XCR1: variants seen among roughly 807,000 people sequenced by gnomAD.
XCR1 encodes the protein chemokine XC receptor 1.
For synonymous variants in XCR1, 187 were observed against 188.5 expected (o/e 0.99, Z 0.06); for missense variants, 356 against 424.2 (o/e 0.84, Z 1.41).
At chr3:46,068,293 C>A (rs1698110919) in intron 3 of XCR1, among the ~76,000 whole-genome samples, 1 of 152,000 alleles carries the variant, frequency 6.6e-6, no homozygotes, top group African/African-American at 2.4e-5. Context: ...TCATTGGGTG[C>A]AATTTTGCCA....
At chr3:46,082,289 T>G (rs1698382466) in intron 1 of XCR1, among the ~76,000 whole-genome samples, 1 of 152,054 alleles carries the variant, frequency 6.6e-6, no homozygotes, top group South Asian at 2.1e-4. Flanking sequence ...TTGCTCTCCT[T>G]TTTCTATTGA....
intron 1 of XCR1, 150 bp from the exon 2 acceptor site, chr3:46,022,128 C>T (rs1465966030): frequency 3.1e-6 from 2 of 644,098 alleles, no homozygotes; most frequent in South Asian, 5.1e-5. Flanking sequence ...AGTGACACCC[C>T]TGTCTCTACA....
At chr3:46,061,583 A>G (rs1317538501) in intron 4 of XCR1, among the ~76,000 whole-genome samples, 4 of 152,170 alleles carry the variant, frequency 2.6e-5, no homozygotes, top group East Asian at 1.9e-4. Flanking sequence ...ATGTTGCTCA[A>G]CTTCCTTGCT....
chr3:46,040,690 G>A (rs1347202965), intron 5 of XCR1, among the ~76,000 whole-genome samples: 1 of 152,006 alleles, frequency 6.6e-6, no homozygotes, highest in Non-Finnish European at 1.5e-5. Flanking sequence ...TGGCTCCTAA[G>A]ACTTTTGTCA....
chr3:46,024,346 C>T (rs558681699), intron 1 of XCR1, among the ~76,000 whole-genome samples: 1 of 152,198 alleles, frequency 6.6e-6, no homozygotes, highest in South Asian at 2.1e-4. Context: ...CTGTGAAATG[C>T]GTTGCATATC....
chr3:46,058,737 T>C (rs112926203), intron 4 of XCR1, among the ~76,000 whole-genome samples: 13,874 of 152,080 alleles, frequency 0.091, 2,152 homozygotes, highest in African/African-American at 0.32. Flanking sequence ...CTAGTTTTCC[T>C]GTATTTTTGT....
rs115006043 is a variant in XCR1, at chr3:46,022,139, A to G, written c.-31-161T>C. 1,410 of 589,186 alleles carry G rather than the reference A, an allele frequency of 2.4e-3. 18 individuals are homozygous for G. The African/African-American group carries it at 0.025, about 10-fold the overall frequency. The allele number at this position is 589,186 out of a possible 1,614,324, so 36.5% of individuals were successfully genotyped here. A position where few individuals can be genotyped will look rare whatever the true frequency, so the allele number is the denominator to read the frequency against. On this transcript the variant is annotated intron_variant, in intron 1 of 1. Transcript: ENST00000309285. The stretch of plus-strand genomic sequence containing the variant: ...ATATAGTGACACCCCTGTCTCTACA[A>G]AAAATTTAAAAATTACCCGGGTGTG...
intron 5 of XCR1, among the ~76,000 whole-genome samples, chr3:46,053,159 A>C (rs13315955): frequency 0.017 from 2,533 of 152,342 alleles, 59 homozygotes; most frequent in African/African-American, 0.052. Context: ...AAAGGGTAGA[A>C]GACACATAGC....
chr3:46,063,949 A>G (rs4683174), intron 4 of XCR1, among the ~76,000 whole-genome samples: 28,464 of 152,132 alleles, frequency 0.19, 2,834 homozygotes, highest in Middle Eastern at 0.33. Flanking sequence ...GGCTCACTAC[A>G]GCCTTGACCT....
chr3:46,065,382 T>A (rs1251225243), intron 4 of XCR1, among the ~76,000 whole-genome samples: 4 of 152,206 alleles, frequency 2.6e-5, no homozygotes, highest in African/African-American at 7.2e-5. Flanking sequence ...AACTTTGATG[T>A]GGCTTTAAGA....
rs1708137959 is a variant in XCR1, at chr3:46,021,223, T to C, written c.725A>G (p.Asn242Ser). 1.2e-6 allele frequency: 2 copies of C among 1,613,862 alleles called. No individual in the cohort carries two copies. Reference sequence around the variant, plus strand: ...CAGCGTCTGCAGAAACAGGGTGAAGTTGTAGGGACCCCAGCTGAGGAAGTA... The same window carrying C: ...CAGCGTCTGCAGAAACAGGGTGAAGCTGTAGGGACCCCAGCTGAGGAAGTA... ...VAYFLSWGPY[N>S]FTLFLQTLFR... The change falls in exon 2 of 2, where the codon AAC becomes AGC. Residue 242 changes from asparagine (N) to serine (S), a missense_variant. Physicochemically the swap from Asn to Ser is conservative, Grantham distance 46 (BLOSUM62 1). Transcript: ENST00000309285. The surrounding 1 kb of genome is among the most constrained non-coding windows in gnomAD (Gnocchi z 4.7).
At chr3:46,035,939 T>C (rs1236367535) in intron 5 of XCR1, among the ~76,000 whole-genome samples, 3 of 152,172 alleles carry the variant, frequency 2.0e-5, no homozygotes, top group African/African-American at 7.2e-5. Context: ...GAATTTTTGT[T>C]TGCAGGTTGA....
chr3:46,060,049 A>C (rs1697932106), intron 4 of XCR1, among the ~76,000 whole-genome samples: 1 of 152,202 alleles, frequency 6.6e-6, no homozygotes, highest in Admixed American at 6.5e-5. Context: ...AGAGGGAAAA[A>C]CTCAAAAATA....
rs1001120502 is a variant in XCR1, at chr3:46,019,495, G to A, written c.*1451C>T. On this transcript the variant is annotated 3_prime_UTR_variant, in exon 2 of 2. Transcript: ENST00000309285. ...AGAATCCCACGACAACCCAGAGAAT[G>A]TTCTAATTTGCAGATTAGGGAGGGC... 7.9e-5 allele frequency: 12 copies of A among 152,300 alleles called. 1 individual carries two copies. Among genetic ancestry groups the A allele is most frequent in the Non-Finnish European group, 7.3e-5 (5 of 68,038 alleles). 9.4% of individuals were successfully genotyped at this position (152,300 alleles called of 1,614,324 possible).
At chr3:46,032,612 C>T (rs1708418464) in intron 5 of XCR1, among the ~76,000 whole-genome samples, 4 of 152,206 alleles carry the variant, frequency 2.6e-5, no homozygotes, top group Admixed American at 2.6e-4. Flanking sequence ...GGCAAAGGCA[C>T]CACTGGCCAC....
rs147067057 is a variant in XCR1, at chr3:46,027,206, G to A, written c.-32+211C>T. Among the ~76,000 whole-genome samples, 32 of 152,222 alleles carry A rather than the reference G, an allele frequency of 2.1e-4. No individual in the cohort carries two copies. The East Asian group carries it at 4.8e-3, about 23-fold the overall frequency. ...TGGAATTACAGGCATGAGCCACTGCGCCCAGCCCAGATCAGCTTTTCTGAA... is the reference window on the plus strand; with the variant it reads ...TGGAATTACAGGCATGAGCCACTGCACCCAGCCCAGATCAGCTTTTCTGAA... On this transcript the variant is annotated intron_variant, in intron 1 of 1. Coordinates refer to ENST00000309285, the MANE Select transcript of XCR1 (RefSeq NM_001024644.2).
chr3:46,023,932 G>A, intron 1 of XCR1: 2 of 1,486,234 alleles, frequency 1.3e-6, no homozygotes, highest in South Asian at 2.3e-5. Context: ...AGTAGAAAAG[G>A]AGCTGGATGT....
In XCR1 at chr3:46,020,697, A is replaced by G; in HGVS notation, c.*249T>C. On this transcript the variant is annotated 3_prime_UTR_variant, in exon 2 of 2. Coordinates refer to ENST00000309285, the MANE Select transcript of XCR1 (RefSeq NM_001024644.2). ...ATGTCTAAATGAAGGAGCGTGCAAGATGAACTCAGAGTTCAAGAAATGTTT... is the reference window on the plus strand; with the variant it reads ...ATGTCTAAATGAAGGAGCGTGCAAGGTGAACTCAGAGTTCAAGAAATGTTT... 1 of 559,074 alleles carries G rather than the reference A, an allele frequency of 1.8e-6. No individual in the cohort carries two copies. Among genetic ancestry groups the G allele is most frequent in the Non-Finnish European group, 3.2e-6 (1 of 316,054 alleles). 34.6% of individuals were successfully genotyped at this position (559,074 alleles called of 1,614,324 possible).
chr3:46,065,505 A>G (rs1698052307), intron 4 of XCR1, among the ~76,000 whole-genome samples: 2 of 152,214 alleles, frequency 1.3e-5, no homozygotes, highest in African/African-American at 2.4e-5. Flanking sequence ...GCCAAATATC[A>G]TATGATACTC....
Sources: gnomAD v4.1 joint callset for allele counts (sites outside exome capture counted in the v4.1 genomes callset) on GRCh38, gnomAD v4.1.1 for gene constraint, Gnocchi (gnomAD v3.1) non-coding constraint, MANE v1.5 for transcripts, NCBI Gene and HGNC (gene_info 2026-07-23, HGNC 2026-07-21) for gene names.